The following PRKD3 variants were observed in gnomAD, a reference collection of about 807,000 sequenced individuals.
PRKD3 encodes the protein protein kinase D3.
In PRKD3, 47 loss-of-function variants were observed where a neutral mutation model predicts 99.2. That is an observed-to-expected ratio of 0.47 (90% CI 0.38 to 0.60). PRKD3 has a LOEUF of 0.60. Ranked by LOEUF, PRKD3 falls within the 20% of genes least tolerant of loss-of-function variation. The probability of loss-of-function intolerance (pLI) is 0.00; values close to 1 mark genes in which losing one functional copy is unlikely to be tolerated. For synonymous variants in PRKD3, 392 were observed against 355.4 expected (o/e 1.10, Z -1.16); for missense variants, 1,019 against 1,088.4 (o/e 0.94, Z 0.90).
chr2:37,259,106 C>T (rs1020855945), intron 16 of PRKD3, among the ~76,000 whole-genome samples: 4 of 151,422 alleles, frequency 2.6e-5, no homozygotes, highest in Admixed American at 2.0e-4. Flanking sequence ...TACATGTAGC[C>T]AGGACACAGA....
chr2:37,290,794 C>T, intron 4 of PRKD3, 74 bp downstream of exon 4: 1 of 1,452,580 alleles, frequency 6.9e-7, no homozygotes, highest in Non-Finnish European at 9.4e-7. Flanking sequence ...CGTCATCTTG[C>T]TTTTTCACTG....
At chr2:37,301,958 G>C (rs1287407697) in intron 2 of PRKD3, among the ~76,000 whole-genome samples, 2 of 152,182 alleles carry the variant, frequency 1.3e-5, no homozygotes, top group African/African-American at 4.8e-5. Context: ...GTAGAGCACT[G>C]TAGAACACAG....
chr2:37,271,694 G>A (rs1250342037), intron 12 of PRKD3, among the ~76,000 whole-genome samples: 1 of 152,168 alleles, frequency 6.6e-6, no homozygotes, highest in African/African-American at 2.4e-5. Context: ...AGGGATCTAG[G>A]TTGTGTGTTC....
At chr2:37,294,294 C>T (rs1670578919) in intron 2 of PRKD3, among the ~76,000 whole-genome samples, 1 of 152,120 alleles carries the variant, frequency 6.6e-6, no homozygotes, top group Admixed American at 6.5e-5. Flanking sequence ...AGGGGTCTCG[C>T]TGTGTGGCCC....
At chr2:37,275,164 T>C (rs552253924) in intron 10 of PRKD3, among the ~76,000 whole-genome samples, 1 of 151,652 alleles carries the variant, frequency 6.6e-6, no homozygotes, top group East Asian at 2.0e-4. Flanking sequence ...GTAGCAATCA[T>C]TATATTTTTA....
At chr2:37,272,245 C>A in intron 12 of PRKD3, 135 bp downstream of exon 12, 1 of 1,350,488 alleles carries the variant, frequency 7.4e-7, no homozygotes, top group African/African-American at 1.5e-5. Flanking sequence ...AGCAGAACTC[C>A]TTAGGGAAGT....
chr2:37,268,368 C>A (rs1450592246), intron 13 of PRKD3: 2 of 470,580 alleles, frequency 4.3e-6, no homozygotes, highest in African/African-American at 4.0e-5. Context: ...TTAAAACTGA[C>A]AAATCTGAAG....
rs1173617368 is a variant in PRKD3 at position 37,286,218 on chromosome 2, C to T, written c.869G>A (p.Arg290Gln). The T allele has an allele frequency of 1.2e-6, 2 of 1,613,586 alleles. No homozygotes were observed. Among genetic ancestry groups the T allele is most frequent in the Non-Finnish European group, 1.7e-6 (2 of 1,179,634 alleles). The change falls in exon 6 of 19, where the codon CGG becomes CAG. Residue 290 changes from arginine to glutamine, a missense_variant. Around this residue, in one of 3 missense-constraint regions of PRKD3, gnomAD observed 710 missense variants for 692.7 expected, o/e 1.02. Transcript: ENST00000234179. ...TRPTICQYCKRLLKGLFRQGM... is the reference protein window; with the variant it reads ...TRPTICQYCKQLLKGLFRQGM... The stretch of plus-strand genomic sequence containing the variant: ...TTGGCGAAAGAGGCCTTTCAGTAAC[C>T]GCTTGCAGTACTGACATATCGTGGG...
rs928471629 is a variant in PRKD3, at chr2:37,316,357, T to C, written c.168A>G (p.Ser56=). The C allele has an allele frequency of 6.6e-5, 107 of 1,614,096 alleles. No homozygotes were observed. The highest frequency in any genetic ancestry group is 9.1e-5 in the Non-Finnish European group (107 of 1,180,046). Residue 56 remains serine, a synonymous_variant, in exon 2 of 19, where the codon TCA becomes TCG. Coordinates refer to ENST00000234179, the MANE Select transcript of PRKD3 (RefSeq NM_005813.6). ...GCAGTAGAAATGAAACTGTATGCAC[T>C]GAGCCTCTGGAGTTGGTGAGTGATG... ...SAPSLTNSRG[S]VHTVSFLLQI... is the part of the protein sequence containing the mutation.
chr2:37,292,824 T>G (rs11124577), intron 3 of PRKD3, among the ~76,000 whole-genome samples: 2 of 151,574 alleles, frequency 1.3e-5, no homozygotes, highest in East Asian at 3.9e-4. Flanking sequence ...TTTTTTTTTT[T>G]AAATTTTTAG....
chr2:37,265,265 G>T (rs1259744459), intron 14 of PRKD3, among the ~76,000 whole-genome samples: 1 of 152,138 alleles, frequency 6.6e-6, no homozygotes, highest in African/African-American at 2.4e-5. Context: ...TAACAGTGTA[G>T]TAGGTTACTT....
intron 14 of PRKD3, among the ~76,000 whole-genome samples, chr2:37,261,191 T>C (rs1668410831): frequency 6.6e-6 from 1 of 152,210 alleles, no homozygotes; most frequent in Admixed American, 6.5e-5. Context: ...TTATTCCTTA[T>C]TAATAAAGAT....
At chr2:37,286,697 A>G (rs1357371859) in intron 5 of PRKD3, among the ~76,000 whole-genome samples, 7 of 152,228 alleles carry the variant, frequency 4.6e-5, no homozygotes, top group Admixed American at 4.6e-4. Flanking sequence ...AGAAAGTATT[A>G]TTGCTGCTCA....
chr2:37,278,566 AAATAC>A (rs1669684991), intron 8 of PRKD3: 1 of 152,300 alleles, frequency 6.6e-6, no homozygotes, highest in African/African-American at 2.4e-5. Context: ...TGTATGCATA[AAATAC>A]ACTGTTTTGA....
Position 37,290,856 on chromosome 2 carries a change from T to C in PRKD3, c.559+12A>G, listed in dbSNP as rs1006058346. The stretch of plus-strand genomic sequence containing the variant: ...TTATTTCAAATGACCACAAAAATTT[T>C]AGAACACACACCTTCACATTTCAGT... On this transcript the variant is annotated intron_variant, in intron 4 of 18. Coordinates refer to ENST00000234179, the MANE Select transcript of PRKD3 (RefSeq NM_005813.6). 11 of 1,566,716 alleles carry C rather than the reference T, an allele frequency of 7.0e-6. No homozygotes were observed. The highest frequency in any genetic ancestry group is 3.5e-5 in the South Asian group (3 of 84,924).
rs1288405881 is a variant in PRKD3, at chr2:37,324,815, C to T, written c.-790G>A. The T allele has an allele frequency of 2.0e-5, 3 of 150,620 alleles. No homozygotes were observed. The highest frequency in any genetic ancestry group is 2.0e-4 in the Admixed American group (3 of 15,126). The allele number at this position is 150,620 out of a possible 1,614,324, so 9.3% of individuals were successfully genotyped here. On this transcript the variant is annotated 5_prime_UTR_variant, in exon 1 of 19. Transcript: ENST00000234179. ...CCCCTTCCTCCCTCCCTCCCCGTCC[C>T]GTCCTGGGGCCGGAGGGCGGGGGGC...
At position 37,279,905 on chromosome 2, in the gene PRKD3, G is replaced by A. The variant is rs757838387; in HGVS notation, c.1013C>T (p.Thr338Ile). ...ATTGTCAATATCCATTGGTATATCT[G>A]TATCTGTTCCCAGACTGGAAGGTTC... ...NGEPSSLGTDTDIPMDIDNND... is the reference protein window; with the variant it reads ...NGEPSSLGTDIDIPMDIDNND... Residue 338 changes from threonine to isoleucine, a missense_variant, in exon 8 of 19, where the codon ACA (threonine) becomes ATA (isoleucine). Around this residue, in one of 3 missense-constraint regions of PRKD3, gnomAD observed 710 missense variants for 692.7 expected, o/e 1.02. Transcript: ENST00000234179. 2.5e-6 allele frequency: 4 copies of A among 1,608,568 alleles called. No homozygotes were observed. The highest frequency in any genetic ancestry group is 1.1e-5 in the South Asian group (1 of 89,772).
intron 5 of PRKD3, among the ~76,000 whole-genome samples, chr2:37,287,059 C>T (rs10166051): frequency 0.33 from 49,386 of 150,830 alleles, 8,887 homozygotes; most frequent in East Asian, 0.44. Context: ...GGAGAAACCC[C>T]GTCTCTACTA....
At chr2:37,289,819 G>C (rs1022073490) in intron 4 of PRKD3, among the ~76,000 whole-genome samples, 1 of 152,138 alleles carries the variant, frequency 6.6e-6, no homozygotes, top group African/African-American at 2.4e-5. Context: ...TAGAAACTAC[G>C]GGGATGAGGC....
Sources: allele counts gnomAD v4.1 joint callset (sites outside exome capture counted in the v4.1 genomes callset), GRCh38; gene constraint gnomAD v4.1.1; regional missense constraint gnomAD v4.1.1; transcripts MANE v1.5; gene names NCBI Gene and HGNC (gene_info 2026-07-23, HGNC 2026-07-21).